RAVER2: variants seen among roughly 807,000 people sequenced by gnomAD.
RAVER2 encodes the protein ribonucleoprotein PTB-binding 2.
RAVER2 carries 46 observed loss-of-function variants against 78.1 expected under a neutral mutation model. The ratio of observed to expected loss-of-function variants is 0.59; its 90% CI spans 0.46 to 0.75. The LOEUF (loss-of-function observed/expected upper bound fraction) is 0.75, where lower values mean the gene tolerates loss of function less well. Ranked by LOEUF, RAVER2 falls within the 30% of genes least tolerant of loss-of-function variation. RAVER2 has a pLI of 0.00. For synonymous variants in RAVER2, 311 were observed against 313.3 expected (o/e 0.99, Z 0.08); for missense variants, 793 against 837.5 (o/e 0.95, Z 0.66).
At chr1:64,824,141 T>A (rs1653953066) in intron 11 of RAVER2, among the ~76,000 whole-genome samples, 1 of 152,208 alleles carries the variant, frequency 6.6e-6, no homozygotes, top group Non-Finnish European at 1.5e-5. Context: ...TTGCCATATG[T>A]GGCAGTTGTC....
intron 4 of RAVER2, among the ~76,000 whole-genome samples, chr1:64,788,806 A>G (rs1557595066): frequency 6.6e-6 from 1 of 150,820 alleles, no homozygotes; most frequent in Non-Finnish European, 1.5e-5. Context: ...AAAAAAAAAA[A>G]AGAAGATTTT....
Position 64,821,254 on chromosome 1 carries a change from GT to G in RAVER2, c.1929+6421del, listed in dbSNP as rs1236493962. On this transcript the variant is annotated intron_variant, in intron 11 of 11. Coordinates refer to ENST00000294428, the Ensembl canonical transcript of RAVER2. ...GTCCTTTGCCCACTTTAATGGGGTT[GT>G]TTTTTTCTTGTAAATTTAAGTTCCT... Among the ~76,000 whole-genome samples, 3 of 152,038 alleles carry G rather than the reference GT, an allele frequency of 2.0e-5. No individual in the cohort carries two copies. The South Asian group carries it at 6.2e-4, about 32-fold the overall frequency.
intron 11 of RAVER2, among the ~76,000 whole-genome samples, chr1:64,817,071 A>G (rs1002591100): frequency 1.3e-5 from 2 of 152,132 alleles, no homozygotes; most frequent in Non-Finnish European, 2.9e-5. Context: ...AAAACAAACA[A>G]CCCCATCAAA....
intron 1 of RAVER2, among the ~76,000 whole-genome samples, chr1:64,752,421 T>A (rs950624452): frequency 2.6e-5 from 4 of 152,218 alleles, no homozygotes; most frequent in Admixed American, 2.0e-4. Flanking sequence ...AGTACAGGAA[T>A]GTTGCTAGCC....
intron 6 of RAVER2, among the ~76,000 whole-genome samples, 193 bp downstream of exon 6, chr1:64,803,254 G>A (rs1570569884): frequency 6.6e-6 from 1 of 152,114 alleles, no homozygotes; most frequent in African/African-American, 2.4e-5. Flanking sequence ...CAAAGCAGTA[G>A]TTATGTACCA....
intron 5 of RAVER2, among the ~76,000 whole-genome samples, chr1:64,802,195 C>T (rs1254997516): frequency 2.0e-5 from 3 of 152,190 alleles, no homozygotes; most frequent in African/African-American, 7.2e-5. Context: ...TTCTTTATTG[C>T]ACCTTGTTTT....
intron 2 of RAVER2, among the ~76,000 whole-genome samples, chr1:64,776,453 G>A (rs1328260396): frequency 2.0e-5 from 3 of 152,160 alleles, no homozygotes; most frequent in African/African-American, 4.8e-5. Flanking sequence ...TCTGAGAGCC[G>A]CATGGCACTA....
At chr1:64,832,063 T>C (rs1437074184) in exon 12 of RAVER2, 1 of 152,646 alleles carries the variant, frequency 6.6e-6, no homozygotes, top group Non-Finnish European at 1.5e-5. Flanking sequence ...CTTTAGCCTT[T>C]AGACAGACTT....
chr1:64,814,704 C>G (rs1243702934), exon 11 of RAVER2: 1 of 1,445,768 alleles, frequency 6.9e-7, no homozygotes, highest in East Asian at 2.6e-5. Context: ...CTGCCTTTAG[C>G]CCCTGCAAGT....
rs1412046463 is a variant in RAVER2, at chr1:64,830,863, C to T, written c.1954C>T (p.Arg652Ter). 1.6e-5 allele frequency: 26 copies of T among 1,606,408 alleles called. No individual in the cohort carries two copies. The highest frequency in any genetic ancestry group is 8.9e-5 in the East Asian group (4 of 44,748). The change falls in exon 12 of 12, where the codon CGA (arginine) becomes TGA (stop). Residue 652 changes from arginine (R) to a stop codon, truncating the protein, a stop_gained. Coordinates refer to ENST00000294428, the Ensembl canonical transcript of RAVER2. LOFTEE classifies it high-confidence loss of function. ...GGTGTCATCTTTAAGAAATGAAAAG[C>T]GAGGCTCATCATATCTCATCTCTGC...
intron 3 of RAVER2, among the ~76,000 whole-genome samples, chr1:64,780,636 A>G (rs1183736142): frequency 6.6e-6 from 1 of 152,198 alleles, no homozygotes; most frequent in Non-Finnish European, 1.5e-5. Flanking sequence ...TGTATTTAAG[A>G]TAATTCAGAC....
intron 11 of RAVER2, among the ~76,000 whole-genome samples, chr1:64,818,311 C>T (rs1218676650): frequency 2.6e-5 from 4 of 152,198 alleles, no homozygotes; most frequent in South Asian, 2.1e-4. Flanking sequence ...CAAAGATGGG[C>T]GGATCACAAG....
At chr1:64,812,702 T>G in intron 9 of RAVER2, 36 bp from the exon 10 acceptor site, 2 of 1,381,114 alleles carry the variant, frequency 1.4e-6, no homozygotes, top group Non-Finnish European at 1.0e-6. Flanking sequence ...CGTGTACCTC[T>G]CATTAAGTAC....
intron 2 of RAVER2, among the ~76,000 whole-genome samples, chr1:64,775,526 G>T (rs1396274841): frequency 2.6e-5 from 4 of 152,178 alleles, no homozygotes; most frequent in African/African-American, 9.6e-5. Flanking sequence ...AGAGGGTGTA[G>T]AGTGCGAAAA....
chr1:64,778,876 A>T (rs1412577696), intron 3 of RAVER2, among the ~76,000 whole-genome samples: 1 of 148,044 alleles, frequency 6.8e-6, no homozygotes, highest in East Asian at 2.0e-4. Flanking sequence ...CCTCCTTTGC[A>T]TCTTTTCTTT....
intron 11 of RAVER2, among the ~76,000 whole-genome samples, chr1:64,816,770 CTTAGATG>C (rs1175155799): frequency 6.6e-6 from 1 of 152,198 alleles, no homozygotes; most frequent in Non-Finnish European, 1.5e-5. Context: ...GGATTAAAGA[CTTAGATG>C]TTAGACCTAA....
chr1:64,776,385 T>C (rs975471291), intron 2 of RAVER2, among the ~76,000 whole-genome samples: 1 of 152,202 alleles, frequency 6.6e-6, no homozygotes, highest in African/African-American at 2.4e-5. Context: ...ATGTGTTAAA[T>C]GAAAAATGTG....
chr1:64,745,183 C>T lies in RAVER2; in HGVS notation c.11C>T (p.Ala4Val), dbSNP rs1651486564. 3 of 1,018,410 alleles carry T rather than the reference C, an allele frequency of 2.9e-6. No individual in the cohort carries two copies. The highest frequency in any genetic ancestry group is 9.6e-5 in the East Asian group (1 of 10,438). 63.1% of individuals were successfully genotyped at this position (1,018,410 alleles called of 1,614,324 possible). A position where few individuals can be genotyped will look rare whatever the true frequency, so the allele number is the denominator to read the frequency against. Residue 4 changes from alanine (A) to valine (V), a missense_variant, in exon 1 of 12, where the codon GCG (alanine) becomes GTG (valine). Transcript: ENST00000294428. The surrounding 1 kb of genome is among the most constrained non-coding windows in gnomAD (Gnocchi z 4.3). ...TGGGCGCCCGGGAAGATGGCGGCGG[C>T]GGCGGGAGACGGCGGCGGCGAGGGG...
chr1:64,823,785 T>C (rs1653940629), intron 11 of RAVER2, among the ~76,000 whole-genome samples: 1 of 151,644 alleles, frequency 6.6e-6, no homozygotes, highest in Non-Finnish European at 1.5e-5. Flanking sequence ...CTGTTTGATA[T>C]GACTGTGTAA....
Sources: gnomAD v4.1 joint callset for allele counts (sites outside exome capture counted in the v4.1 genomes callset) on GRCh38, gnomAD v4.1.1 for gene constraint, Gnocchi (gnomAD v3.1) non-coding constraint, MANE v1.5 for transcripts, NCBI Gene and HGNC (gene_info 2026-07-23, HGNC 2026-07-21) for gene names.